HLTF: variants seen among roughly 807,000 people sequenced by gnomAD.
HLTF encodes the protein DNA-dependent ATPase/E3 ubiquitin-protein ligase HLTF.
In HLTF, 127 loss-of-function variants were observed where a neutral mutation model predicts 129.4. The ratio of observed to expected loss-of-function variants is 0.98; its 90% confidence interval spans 0.85 to 1.14. The LOEUF is 1.14. Among genes scored for constraint, HLTF ranks in the 50% most tolerant of loss-of-function variants. The pLI is 0.00. For synonymous variants in HLTF, 332 were observed against 388.8 expected (o/e 0.85, Z 1.72); for missense variants, 1,139 against 1,187.1 (o/e 0.96, Z 0.60).
intron 7 of HLTF, among the ~76,000 whole-genome samples, chr3:149,069,289 C>T (rs1013892565): frequency 1.6e-4 from 25 of 151,910 alleles, no homozygotes; most frequent in African/African-American, 5.3e-4. Flanking sequence ...TGGACCAACA[C>T]GGTGAAACCC....
chr3:149,043,525 A>G (rs1301624932), intron 18 of HLTF, among the ~76,000 whole-genome samples: 1 of 148,972 alleles, frequency 6.7e-6, no homozygotes, highest in African/African-American at 2.5e-5. Context: ...AAGTCAACAA[A>G]GAAGTTGCTG....
At chr3:149,085,088 T>A (rs1405825590) in intron 1 of HLTF, among the ~76,000 whole-genome samples, 199 bp from the exon 2 acceptor site, 1 of 152,218 alleles carries the variant, frequency 6.6e-6, no homozygotes, top group Non-Finnish European at 1.5e-5. Flanking sequence ...TTTTCAATAT[T>A]GGCTCTTCTA....
intron 3 of HLTF, among the ~76,000 whole-genome samples, chr3:149,074,872 C>T (rs188395067): frequency 4.8e-4 from 73 of 152,084 alleles, no homozygotes; most frequent in Non-Finnish European, 8.1e-4. Flanking sequence ...ATATCAAGAT[C>T]CTAAATATTC....
chr3:149,033,547 G>A (rs1171253567), intron 24 of HLTF, among the ~76,000 whole-genome samples: 1 of 151,648 alleles, frequency 6.6e-6, no homozygotes, highest in East Asian at 1.9e-4. Flanking sequence ...ACTGCCCTAA[G>A]AAAAGGAAAA....
chr3:149,049,768 G>A (rs1009968943), intron 15 of HLTF, among the ~76,000 whole-genome samples: 1 of 152,198 alleles, frequency 6.6e-6, no homozygotes. Context: ...CAAGGTGGGT[G>A]GATCACCTGA....
chr3:149,046,351 GT>G, intron 17 of HLTF, 92 bp from the exon 18 acceptor site: 1 of 677,228 alleles, frequency 1.5e-6, no homozygotes, highest in Non-Finnish European at 2.3e-6. Context: ...ATTTGTTACT[GT>G]TTTATAGCTT....
chr3:149,049,278 C>T (rs1418182800), intron 15 of HLTF, among the ~76,000 whole-genome samples: 1 of 152,166 alleles, frequency 6.6e-6, no homozygotes, highest in African/African-American at 2.4e-5. Context: ...CAAACCCAAG[C>T]AGCAGTCTAG....
intron 2 of HLTF, among the ~76,000 whole-genome samples, chr3:149,077,044 C>G (rs1049892656): frequency 6.6e-6 from 1 of 151,986 alleles, no homozygotes. Context: ...GTCAAGAGAT[C>G]AAGACCATCC....
chr3:149,080,050 AT>A (rs1668268336), intron 2 of HLTF, among the ~76,000 whole-genome samples: 2 of 152,088 alleles, frequency 1.3e-5, no homozygotes, highest in Admixed American at 6.5e-5. Context: ...AAAAAAAAAA[AT>A]CTATTTAACA....
intron 4 of HLTF, 107 bp downstream of exon 4, chr3:149,074,108 G>A: frequency 3.6e-6 from 4 of 1,107,728 alleles, no homozygotes; most frequent in Non-Finnish European, 4.9e-6. Flanking sequence ...GTTGTACCTT[G>A]GAGCCTTGAG....
At chr3:149,038,663 C>T (rs1006992182) in intron 23 of HLTF, among the ~76,000 whole-genome samples, 9 of 152,154 alleles carry the variant, frequency 5.9e-5, no homozygotes, top group Non-Finnish European at 8.8e-5. Context: ...CAAACCACTA[C>T]ACCAGAGTAA....
intron 13 of HLTF, among the ~76,000 whole-genome samples, chr3:149,058,321 G>C (rs899245876): frequency 1.3e-5 from 2 of 152,002 alleles, no homozygotes; most frequent in Non-Finnish European, 2.9e-5. Flanking sequence ...GCCTCCCAAA[G>C]TGCTGCAATT....
chr3:149,063,349 C>G, intron 10 of HLTF, 82 bp downstream of exon 10: 3 of 929,880 alleles, frequency 3.2e-6, no homozygotes, highest in Non-Finnish European at 5.3e-6. Flanking sequence ...TGTGAGCCAC[C>G]GTGCCCAGCC....
intron 7 of HLTF, among the ~76,000 whole-genome samples, chr3:149,069,749 C>T (rs1430113340): frequency 6.6e-6 from 1 of 152,082 alleles, no homozygotes. Flanking sequence ...AAGATACTTT[C>T]TAGAAAATGA....
At position 149,084,781 on chromosome 3, in the gene HLTF, G is replaced by A; in HGVS notation, c.129C>T (p.Ile43=). The change falls in exon 2 of 25, where the codon ATC becomes ATT. Residue 43 remains isoleucine (I), a synonymous_variant. Coordinates refer to ENST00000310053, the MANE Select transcript of HLTF (RefSeq NM_003071.4). Reference sequence around the variant, plus strand: ...CACTAGTTAGAAAGTCATCTGGAGGGATAACATCTTGGAATTCAAAACGTG... The same window carrying A: ...CACTAGTTAGAAAGTCATCTGGAGGAATAACATCTTGGAATTCAAAACGTG... The part of the protein sequence containing the change: ...FFPRFEFQDV[I]PPDDFLTSDE... The A allele has an allele frequency of 6.2e-7, 1 of 1,613,966 alleles. No homozygotes were observed. Among genetic ancestry groups the A allele is most frequent in the Non-Finnish European group, 8.5e-7 (1 of 1,179,842 alleles).
intron 2 of HLTF, among the ~76,000 whole-genome samples, chr3:149,078,583 C>T (rs1719587706): frequency 6.6e-6 from 1 of 151,970 alleles, no homozygotes; most frequent in African/African-American, 2.4e-5. Context: ...CCTGGCCGGG[C>T]ACAGTGGCTC....
At chr3:149,079,071 TTA>T (rs1303642478) in intron 2 of HLTF, among the ~76,000 whole-genome samples, 1 of 151,966 alleles carries the variant, frequency 6.6e-6, no homozygotes, top group Non-Finnish European at 1.5e-5. Flanking sequence ...TCAATTGAGA[TTA>T]TACAATCTAA....
Position 149,086,365 on chromosome 3 carries a change from C to T in HLTF, c.-29G>A. The T allele has an allele frequency of 6.4e-7, 1 of 1,573,660 alleles. No homozygotes were observed. Among genetic ancestry groups the T allele is most frequent in the Non-Finnish European group, 8.6e-7 (1 of 1,159,146 alleles). On this transcript the variant is annotated 5_prime_UTR_variant, in exon 1 of 25. Transcript: ENST00000310053. ...GCTGAGTGGGATGACAAGAGGAGCG[C>T]CTCGGCTCCCCTGGATCGTTTTCGA...
At position 149,071,333 on chromosome 3, in the gene HLTF, G is replaced by A; in HGVS notation, c.813C>T (p.Tyr271=). 1.9e-6 allele frequency: 3 copies of A among 1,612,636 alleles called. No individual in the cohort carries two copies. The highest frequency in any genetic ancestry group is 1.1e-5 in the South Asian group (1 of 91,054). Reference sequence around the variant, plus strand: ...CAGAAAAATTTGTTATTGTGTTATAGTATAAGTCATTTCGCTGTTCCCAGA... The same window carrying A: ...CAGAAAAATTTGTTATTGTGTTATAATATAAGTCATTTCGCTGTTCCCAGA... The part of the protein sequence containing the change: ...PPFWEQRNDL[Y]YNTITNFSEK... The change falls in exon 7 of 25, where the codon TAC becomes TAT. Residue 271 remains tyrosine (Y), a synonymous_variant. Transcript: ENST00000310053.
Sources: allele counts gnomAD v4.1 joint callset (sites outside exome capture counted in the v4.1 genomes callset), GRCh38; gene constraint gnomAD v4.1.1; transcripts MANE v1.5; gene names NCBI Gene and HGNC (gene_info 2026-07-23, HGNC 2026-07-21).